HECW2: variants seen among roughly 807,000 people sequenced by gnomAD.
HECW2 encodes the protein E3 ubiquitin-protein ligase HECW2.
Under a neutral mutation model 175.2 loss-of-function variants are expected in HECW2, and 61 were observed. The observed-to-expected ratio is 0.35, with a 90% confidence interval of 0.28 to 0.43. HECW2 has a LOEUF of 0.43. Ranked by LOEUF, HECW2 falls within the 20% of genes least tolerant of loss-of-function variation. The pLI, the probability that HECW2 is intolerant of heterozygous loss-of-function variation, is 1.00. For missense variants in HECW2, 1,524 were observed against 2,000.5 expected, an observed-to-expected ratio of 0.76 and a Z score of 4.54; for synonymous variants, 671 against 731.0, an observed-to-expected ratio of 0.92 and a Z score of 1.32.
At chr2:196,509,350 T>C (rs1371037453) in intron 1 of HECW2, among the ~76,000 whole-genome samples, 2 of 152,176 alleles carry the variant, frequency 1.3e-5, no homozygotes, top group Admixed American at 6.5e-5. Flanking sequence ...ACCCAGTCTT[T>C]TTGAGTTTTT....
At chr2:196,457,147 T>C (rs1696544489) in intron 1 of HECW2, among the ~76,000 whole-genome samples, 1 of 152,204 alleles carries the variant, frequency 6.6e-6, no homozygotes, top group Admixed American at 6.5e-5. Context: ...GAGCTGCTGA[T>C]ACGTTTTGGA....
intron 2 of HECW2, among the ~76,000 whole-genome samples, chr2:196,376,562 C>T (rs1231230471): frequency 4.0e-5 from 6 of 149,748 alleles, no homozygotes; most frequent in Admixed American, 6.7e-5. Context: ...ACCAGGGAGG[C>T]GGCCATTGCA....
intron 19 of HECW2, among the ~76,000 whole-genome samples, chr2:196,252,357 A>G (rs7593952): frequency 0.13 from 19,335 of 151,744 alleles, 2,690 homozygotes; most frequent in African/African-American, 0.35. Flanking sequence ...GCTACCTGAT[A>G]TGGTTTTTTT....
At chr2:196,431,221 G>C (rs1043086299) in intron 2 of HECW2, among the ~76,000 whole-genome samples, 3 of 152,164 alleles carry the variant, frequency 2.0e-5, no homozygotes, top group African/African-American at 7.2e-5. Context: ...TTAGGACTCT[G>C]ACCTATACTT....
At chr2:196,388,930 G>A (rs897713969) in intron 2 of HECW2, among the ~76,000 whole-genome samples, 3 of 152,200 alleles carry the variant, frequency 2.0e-5, no homozygotes, top group Non-Finnish European at 2.9e-5. Flanking sequence ...GCATTTGGAA[G>A]CATGGTTACT....
chr2:196,353,722 CT>C (rs1159344887), intron 2 of HECW2, among the ~76,000 whole-genome samples: 2 of 152,220 alleles, frequency 1.3e-5, no homozygotes, highest in African/African-American at 4.8e-5. Context: ...TTTGCCCACC[CT>C]TTCCCCATTG....
chr2:196,442,360 C>A (rs1175521460), intron 1 of HECW2, among the ~76,000 whole-genome samples: 1 of 152,128 alleles, frequency 6.6e-6, no homozygotes, highest in East Asian at 1.9e-4. Context: ...CAGTGAGAAA[C>A]AACACTCATA....
intron 1 of HECW2, among the ~76,000 whole-genome samples, chr2:196,522,240 T>C (rs940477000): frequency 2.0e-5 from 3 of 152,134 alleles, no homozygotes; most frequent in African/African-American, 4.8e-5. Flanking sequence ...CCAGTGATGA[T>C]GAGCATTTTT....
chr2:196,426,199 G>A (rs1288877576), intron 2 of HECW2, among the ~76,000 whole-genome samples: 1 of 152,100 alleles, frequency 6.6e-6, no homozygotes, highest in East Asian at 1.9e-4. Flanking sequence ...TTAGATTACA[G>A]TATAGTGTAC....
At chr2:196,469,560 A>G (rs1697112047) in intron 1 of HECW2, among the ~76,000 whole-genome samples, 1 of 152,068 alleles carries the variant, frequency 6.6e-6, no homozygotes, top group Non-Finnish European at 1.5e-5. Flanking sequence ...AATAAAAAGT[A>G]TAGGGGTACT....
chr2:196,592,925 C>G (rs1210748462), intron 1 of HECW2: 1 of 151,302 alleles, frequency 6.6e-6, no homozygotes, highest in Non-Finnish European at 1.5e-5. Context: ...CGCCGCCGCG[C>G]GTTGCATGCA....
intron 2 of HECW2, among the ~76,000 whole-genome samples, chr2:196,349,677 A>C (rs1693101603): frequency 6.6e-6 from 1 of 152,166 alleles, no homozygotes. Context: ...ACTCCCATTA[A>C]TCCTGTTACT....
At chr2:196,482,367 T>C (rs1220982316) in intron 1 of HECW2, among the ~76,000 whole-genome samples, 3 of 152,208 alleles carry the variant, frequency 2.0e-5, no homozygotes, top group South Asian at 2.1e-4. Context: ...GCCCTGCTCA[T>C]GGTGGACAGG....
At chr2:196,453,940 G>A (rs1262556121) in intron 1 of HECW2, among the ~76,000 whole-genome samples, 3 of 152,188 alleles carry the variant, frequency 2.0e-5, no homozygotes, top group East Asian at 3.9e-4. Flanking sequence ...GGAAATTGTC[G>A]GCCTAATTTT....
At chr2:196,425,425 T>G (rs1290387177) in intron 2 of HECW2, among the ~76,000 whole-genome samples, 1 of 152,172 alleles carries the variant, frequency 6.6e-6, no homozygotes, top group Non-Finnish European at 1.5e-5. Flanking sequence ...ATTTCTCTGA[T>G]GAATCTGGGC....
At chr2:196,364,241 T>G (rs1488657639) in intron 2 of HECW2, among the ~76,000 whole-genome samples, 1 of 152,238 alleles carries the variant, frequency 6.6e-6, no homozygotes. Context: ...AACACCTACA[T>G]GTGACTATCT....
intron 7 of HECW2, among the ~76,000 whole-genome samples, chr2:196,321,836 T>C (rs1213469893): frequency 6.6e-6 from 1 of 152,224 alleles, no homozygotes; most frequent in East Asian, 1.9e-4. Context: ...GTTTAGAGCC[T>C]CTAGTCAGCT....
chr2:196,278,405 A>C, intron 15 of HECW2, 123 bp downstream of exon 15: 3 of 1,071,346 alleles, frequency 2.8e-6, no homozygotes, highest in Non-Finnish European at 3.9e-6. Context: ...TTCAGCCTCT[A>C]AATCAAACTC....
Position 196,222,962 on chromosome 2 carries a change from C to T in HECW2, c.4017-622G>A, listed in dbSNP as rs191831689. 1.5e-4 allele frequency among the ~76,000 whole-genome samples: 23 copies of T among 152,098 alleles called. 1 individual carries two copies. In the East Asian group the frequency reaches 3.9e-3, roughly 26 times the overall value. On this transcript the variant is annotated intron_variant, in intron 23 of 28. Transcript: ENST00000644978. Reference sequence around the variant, plus strand: ...CTTTTTTTAATTGTAGAGAAAGAATCGACATGAGGTAAGTTACTGTTCCAT... The same window carrying T: ...CTTTTTTTAATTGTAGAGAAAGAATTGACATGAGGTAAGTTACTGTTCCAT...
Sources: allele counts gnomAD v4.1 joint callset (sites outside exome capture counted in the v4.1 genomes callset), GRCh38; gene constraint gnomAD v4.1.1; transcripts MANE v1.5; gene names NCBI Gene and HGNC (gene_info 2026-07-23, HGNC 2026-07-21).